The following CNTNAP5 variants were observed in gnomAD, a reference collection of about 807,000 sequenced individuals.
CNTNAP5 encodes contactin-associated protein-like 5.
In CNTNAP5, 72 loss-of-function variants were observed where a neutral mutation model predicts 150.2. The observed-to-expected ratio is 0.48, with a 90% confidence interval of 0.40 to 0.58. The LOEUF is 0.58. Among genes scored for constraint, CNTNAP5 ranks in the 20% least tolerant of loss-of-function variants. The pLI, the probability that CNTNAP5 is intolerant of heterozygous loss-of-function variation, is 0.00. For missense variants in CNTNAP5, 1,636 were observed against 1,626.2 expected (o/e 1.01, Z -0.10); for synonymous variants, 672 against 619.8 (o/e 1.08, Z -1.25).
intron 19 of CNTNAP5, among the ~76,000 whole-genome samples, chr2:124,847,593 C>A (rs7561882): frequency 1.3e-5 from 2 of 152,100 alleles, no homozygotes; most frequent in Middle Eastern, 3.4e-3. Context: ...TCTCAGGGAC[C>A]CTGCAGTGGT....
chr2:124,816,473 C>CT (rs34089178), intron 19 of CNTNAP5, among the ~76,000 whole-genome samples: 63,089 of 107,436 alleles, frequency 0.59, 19,963 homozygotes, highest in East Asian at 0.83. Context: ...TTGCAGCTTA[C>CT]TTTTTTTTTT....
At chr2:124,625,878 T>G (rs2105002613) in intron 12 of CNTNAP5, among the ~76,000 whole-genome samples, 1 of 152,350 alleles carries the variant, frequency 6.6e-6, no homozygotes, top group East Asian at 1.9e-4. Flanking sequence ...TAGGCCATTT[T>G]ATTTATTCGT....
intron 4 of CNTNAP5, among the ~76,000 whole-genome samples, chr2:124,425,575 C>T (rs1322973695): frequency 6.6e-6 from 1 of 152,160 alleles, no homozygotes; most frequent in Non-Finnish European, 1.5e-5. Flanking sequence ...TCACTATCTT[C>T]TCACTGCCCA....
chr2:124,700,774 T>C (rs1452518496), intron 13 of CNTNAP5, among the ~76,000 whole-genome samples: 1 of 152,074 alleles, frequency 6.6e-6, no homozygotes, highest in Non-Finnish European at 1.5e-5. Context: ...TTTTCTTTTT[T>C]GTATTTTTAC....
At chr2:124,570,367 G>C (rs776887734) in intron 11 of CNTNAP5, among the ~76,000 whole-genome samples, 9 of 152,118 alleles carry the variant, frequency 5.9e-5, no homozygotes, top group Non-Finnish European at 1.3e-4. Context: ...AGCTCCATGA[G>C]CAAAGGCAAA....
rs1353578376 is a variant in CNTNAP5 at position 124,917,360 on chromosome 2, A to G, written c.*3072A>G. Among the ~76,000 whole-genome samples the G allele has an allele frequency of 2.6e-5, 4 of 152,146 alleles. No homozygotes were observed. The highest frequency in any genetic ancestry group is 2.0e-4 in the Admixed American group (3 of 15,266). On this transcript the variant is annotated 3_prime_UTR_variant, in exon 24 of 24. Transcript: ENST00000682447. ...CAAATCTATTTATGTAAGCAACAGT[A>G]TATTTGCTTACTCTAAAATATATTT...
At chr2:124,180,857 G>T (rs906027624) in intron 1 of CNTNAP5, among the ~76,000 whole-genome samples, 1 of 142,532 alleles carries the variant, frequency 7.0e-6, no homozygotes, top group East Asian at 2.1e-4. Flanking sequence ...TCCTCTTATT[G>T]TTCACCTTGA....
chr2:124,696,629 C>T (rs765003016), intron 13 of CNTNAP5, among the ~76,000 whole-genome samples: 12 of 152,202 alleles, frequency 7.9e-5, no homozygotes, highest in Non-Finnish European at 1.6e-4. Context: ...ATATGGCCTT[C>T]GTCAAATAAA....
intron 1 of CNTNAP5, among the ~76,000 whole-genome samples, chr2:124,038,176 A>C (rs1309909674): frequency 6.6e-6 from 1 of 152,206 alleles, no homozygotes; most frequent in African/African-American, 2.4e-5. Context: ...ACCCTGTCCG[A>C]CTGGCTTCGG....
chr2:124,135,163 T>C (rs1194963888), intron 1 of CNTNAP5: 2 of 152,228 alleles, frequency 1.3e-5, no homozygotes, highest in African/African-American at 4.8e-5. Context: ...CTGTATAATT[T>C]TTCTCTGAAT....
At chr2:124,893,595 A>C (rs1276231918) in intron 21 of CNTNAP5, among the ~76,000 whole-genome samples, 5 of 152,122 alleles carry the variant, frequency 3.3e-5, no homozygotes, top group Non-Finnish European at 7.4e-5. Context: ...AATAACTACA[A>C]AGGGCATCCT....
intron 3 of CNTNAP5, among the ~76,000 whole-genome samples, chr2:124,287,332 C>T (rs765887112): frequency 2.0e-5 from 3 of 152,078 alleles, no homozygotes; most frequent in Non-Finnish European, 4.4e-5. Flanking sequence ...GCCAGTATGC[C>T]GGGTGCTAAC....
intron 1 of CNTNAP5, among the ~76,000 whole-genome samples, chr2:124,178,152 T>A (rs1241146993): frequency 6.6e-6 from 1 of 152,032 alleles, no homozygotes; most frequent in African/African-American, 2.4e-5. Flanking sequence ...CAGCCAATGG[T>A]TTACTTTTTT....
At chr2:124,523,458 T>A (rs1026806328) in intron 8 of CNTNAP5, among the ~76,000 whole-genome samples, 1 of 152,196 alleles carries the variant, frequency 6.6e-6, no homozygotes, top group Non-Finnish European at 1.5e-5. Flanking sequence ...TCTTAATAGA[T>A]GATAAACTCT....
chr2:124,084,000 A>G lies in CNTNAP5; in HGVS notation c.82+58268A>G, dbSNP rs576328032. 3.3e-5 allele frequency among the ~76,000 whole-genome samples: 5 copies of G among 151,956 alleles called. No homozygotes were observed. In the South Asian group the frequency reaches 1.0e-3, roughly 32 times the overall value. On this transcript the variant is annotated intron_variant, in intron 1 of 23. Coordinates refer to ENST00000682447, the MANE Select transcript of CNTNAP5 (RefSeq NM_001367498.1). ...GACAACTGACATCTGTACTATATTG[A>G]ATTTTCTAATTCATGGACACTGTGT...
chr2:124,241,064 A>G (rs1429626221), intron 2 of CNTNAP5, among the ~76,000 whole-genome samples: 1 of 152,182 alleles, frequency 6.6e-6, no homozygotes, highest in Non-Finnish European at 1.5e-5. Flanking sequence ...CTTCTATGCT[A>G]TCTCTACCCA....
chr2:124,535,606 CAAA>C (rs1168717177), intron 10 of CNTNAP5, among the ~76,000 whole-genome samples: 3 of 75,972 alleles, frequency 3.9e-5, no homozygotes, highest in Non-Finnish European at 2.5e-5. Flanking sequence ...TACTGAAATA[CAAA>C]AAAAAAAAAA....
At chr2:124,231,157 G>A (rs527471888) in intron 2 of CNTNAP5, among the ~76,000 whole-genome samples, 3 of 152,214 alleles carry the variant, frequency 2.0e-5, no homozygotes, top group African/African-American at 7.2e-5. Context: ...AATTTGAGAT[G>A]CAGCATTCTA....
At chr2:124,213,800 C>T (rs1686082602) in intron 1 of CNTNAP5, among the ~76,000 whole-genome samples, 1 of 152,018 alleles carries the variant, frequency 6.6e-6, no homozygotes. Flanking sequence ...ATAACAAAAA[C>T]ACTGCTTTCC....
Sources: gnomAD v4.1 joint callset for allele counts (sites outside exome capture counted in the v4.1 genomes callset) on GRCh38, gnomAD v4.1.1 for gene constraint, MANE v1.5 for transcripts, NCBI Gene and HGNC (gene_info 2026-07-23, HGNC 2026-07-21) for gene names.